The following CLCN3 variants were observed in gnomAD, a reference collection of about 807,000 sequenced individuals.
CLCN3 encodes the protein H(+)/Cl(-) exchange transporter 3.
A neutral mutation model predicts 83.4 loss-of-function variants in CLCN3; 16 were observed. The ratio of observed to expected loss-of-function variants is 0.19; its 90% CI spans 0.13 to 0.29. The LOEUF is 0.29. Ranked by LOEUF, CLCN3 falls within the 10% of genes least tolerant of loss-of-function variation. CLCN3 has a pLI of 1.00. For missense variants in CLCN3, 544 were observed against 1,006.0 expected (o/e 0.54, Z 6.21); for synonymous variants, 322 against 346.2 (o/e 0.93, Z 0.78).
At chr4:169,708,453 G>A (rs1733074395) in intron 11 of CLCN3, among the ~76,000 whole-genome samples, 1 of 152,142 alleles carries the variant, frequency 6.6e-6, no homozygotes, top group Non-Finnish European at 1.5e-5. Context: ...AGTTGCCAGA[G>A]CTGATGACAT....
chr4:169,698,765 C>A (rs72696633), intron 9 of CLCN3, among the ~76,000 whole-genome samples: 1 of 152,182 alleles, frequency 6.6e-6, no homozygotes, highest in Admixed American at 6.5e-5. Flanking sequence ...AAGTCTGAAA[C>A]GGATCTCACT....
intron 1 of CLCN3, among the ~76,000 whole-genome samples, chr4:169,623,853 T>G (rs189527255): frequency 4.7e-4 from 71 of 152,346 alleles, no homozygotes; most frequent in African/African-American, 1.7e-3. Context: ...ATTTTCTTCC[T>G]TTTAAAGGCT....
chr4:169,649,293 A>G (rs1395166972), intron 2 of CLCN3, among the ~76,000 whole-genome samples: 1 of 152,228 alleles, frequency 6.6e-6, no homozygotes, highest in South Asian at 2.1e-4. Context: ...AGCAAGGTCT[A>G]AATAATACAT....
chr4:169,715,313 A>C (rs1229593160), intron 12 of CLCN3, among the ~76,000 whole-genome samples: 2 of 152,160 alleles, frequency 1.3e-5, no homozygotes, highest in Non-Finnish European at 2.9e-5. Context: ...CTGCCTGTTC[A>C]TATGAAAAAA....
At chr4:169,711,683 A>G (rs1486289078) in intron 11 of CLCN3, among the ~76,000 whole-genome samples, 1 of 152,034 alleles carries the variant, frequency 6.6e-6, no homozygotes, top group African/African-American at 2.4e-5. Flanking sequence ...AGTAAGTACT[A>G]GTTGCTGGGG....
chr4:169,621,744 A>G lies in CLCN3; in HGVS notation c.-17+681A>G, dbSNP rs556564545. 4.6e-5 allele frequency among the ~76,000 whole-genome samples: 7 copies of G among 152,344 alleles called. No homozygotes were observed. In the South Asian group the frequency reaches 1.4e-3, roughly 32 times the overall value. ...ACTGCAGCATCATTGTGGCTTGTATAATTGTTGAATCTTTCCAGAAATGCT... is the reference window on the plus strand; with the variant it reads ...ACTGCAGCATCATTGTGGCTTGTATGATTGTTGAATCTTTCCAGAAATGCT... On this transcript the variant is annotated intron_variant, in intron 1 of 12. Coordinates refer to ENST00000513761, the MANE Select transcript of CLCN3 (RefSeq NM_001829.4).
chr4:169,696,566 C>T (rs1286431578), intron 8 of CLCN3, among the ~76,000 whole-genome samples: 1 of 151,980 alleles, frequency 6.6e-6, no homozygotes, highest in East Asian at 1.9e-4. Context: ...ATTTAAAATC[C>T]TCTTTTAGCT....
intron 2 of CLCN3, among the ~76,000 whole-genome samples, chr4:169,676,206 C>A (rs1383415259): frequency 6.6e-6 from 1 of 152,042 alleles, no homozygotes. Flanking sequence ...TTTTTTATAC[C>A]AGTATATATT....
chr4:169,705,693 G>A (rs1368762385), intron 10 of CLCN3, among the ~76,000 whole-genome samples: 2 of 151,942 alleles, frequency 1.3e-5, no homozygotes, highest in Non-Finnish European at 2.9e-5. Flanking sequence ...GCTATTTTTA[G>A]GTAAAAAAAC....
Position 169,707,012 on chromosome 4 carries a change from C to A in CLCN3, c.1895C>A (p.Ala632Glu). Residue 632 changes from alanine (A) to glutamate (E), a missense_variant, in exon 11 of 13, where the codon GCA becomes GAA. Physicochemically the swap from Ala to Glu is moderately radical, Grantham distance 107. Coordinates refer to ENST00000513761, the MANE Select transcript of CLCN3 (RefSeq NM_001829.4). Reference protein sequence around the residue: ...DAFGREGIYEAHIRLNGYPFL... With the variant: ...DAFGREGIYEEHIRLNGYPFL... ...TTTGGCAGGGAAGGCATTTATGAAG[C>A]ACACATCCGATTAAATGGATACCCT... is the stretch of plus-strand genomic sequence containing the variant. 6.2e-7 allele frequency: 1 copy of A among 1,614,150 alleles called. No individual in the cohort carries two copies. Among genetic ancestry groups the A allele is most frequent in the Non-Finnish European group, 8.5e-7 (1 of 1,180,024 alleles).
In CLCN3 at chr4:169,636,071, A is replaced by G; in HGVS notation, c.143A>G (p.Asp48Gly). The G allele has an allele frequency of 6.2e-7, 1 of 1,612,468 alleles. No individual in the cohort carries two copies. Among genetic ancestry groups the G allele is most frequent in the South Asian group, 1.1e-5 (1 of 90,870 alleles). ...FQTSEDDNLL[D>G]GDTAVGTHYT... ...ACATCTGAAGATGACAATTTATTAG[A>G]TGGTGACACTGCAGTTGGTAAGTTC... Residue 48 changes from aspartate (D) to glycine (G), a missense_variant, in exon 2 of 13, where the codon GAT becomes GGT. Around this residue, in one of 6 missense-constraint regions of CLCN3, gnomAD observed 77 missense variants for 92.8 expected, o/e 0.83. Coordinates refer to ENST00000513761, the MANE Select transcript of CLCN3 (RefSeq NM_001829.4).
At chr4:169,622,598 C>T (rs189239241) in intron 1 of CLCN3, among the ~76,000 whole-genome samples, 77 of 152,278 alleles carry the variant, frequency 5.1e-4, no homozygotes, top group African/African-American at 1.8e-3. Context: ...TGTTTTCAGG[C>T]TCTTTTCCAA....
intron 1 of CLCN3, among the ~76,000 whole-genome samples, chr4:169,621,493 A>G (rs1429420540): frequency 2.6e-5 from 4 of 152,206 alleles, no homozygotes; most frequent in Non-Finnish European, 5.9e-5. Flanking sequence ...TCAGAAATTG[A>G]CTTTGCATGT....
In CLCN3 at chr4:169,638,681, G is replaced by A. The variant is rs896641759; in HGVS notation, c.160+2593G>A. Among the ~76,000 whole-genome samples the A allele has an allele frequency of 5.9e-5, 9 of 152,074 alleles. 1 individual carries two copies. The highest frequency in any genetic ancestry group is 4.1e-4 in the South Asian group (2 of 4,820). The stretch of plus-strand genomic sequence containing the variant: ...GAGCTGACTCCTTCCACCTTCCCAC[G>A]TTGCCGTCAAGTGCTGGTGATGTCT... On this transcript the variant is annotated intron_variant, in intron 2 of 12. Coordinates refer to ENST00000513761, the MANE Select transcript of CLCN3 (RefSeq NM_001829.4).
At chr4:169,668,214 C>T (rs536720044) in intron 2 of CLCN3, among the ~76,000 whole-genome samples, 2 of 151,968 alleles carry the variant, frequency 1.3e-5, no homozygotes, top group African/African-American at 4.8e-5. Flanking sequence ...TGAGATCTCA[C>T]TGTGTTTCCC....
intron 2 of CLCN3, among the ~76,000 whole-genome samples, chr4:169,650,564 C>G (rs1208395999): frequency 6.6e-6 from 1 of 152,150 alleles, no homozygotes; most frequent in African/African-American, 2.4e-5. Flanking sequence ...CATTGTAAAT[C>G]TTTGGCAGAG....
chr4:169,644,159 T>C (rs1730504225), intron 2 of CLCN3, among the ~76,000 whole-genome samples: 1 of 152,234 alleles, frequency 6.6e-6, no homozygotes, highest in South Asian at 2.1e-4. Context: ...AGAGTTGTGA[T>C]TTAATAAAAT....
Position 169,690,406 on chromosome 4 carries a change from C to T in CLCN3, c.607-124C>T, listed in dbSNP as rs1167098874. 10 of 948,898 alleles carry T rather than the reference C, an allele frequency of 1.1e-5. No individual in the cohort carries two copies. The East Asian group carries it at 2.7e-4, about 25-fold the overall frequency. The allele number at this position is 948,898 out of a possible 1,614,324, so 58.8% of individuals were successfully genotyped here. The stretch of plus-strand genomic sequence containing the variant: ...GGTGATCCACCCGCCTCAACCTCCC[C>T]AGTGCTGGGATTACAGGCGTGAGCC... On this transcript the variant is annotated intron_variant, in intron 5 of 12. Coordinates refer to ENST00000513761, the MANE Select transcript of CLCN3 (RefSeq NM_001829.4).
chr4:169,634,373 T>C (rs1453449036), intron 1 of CLCN3, among the ~76,000 whole-genome samples: 2 of 152,238 alleles, frequency 1.3e-5, no homozygotes, highest in African/African-American at 4.8e-5. Context: ...ATACATGCTT[T>C]GATACATCAA....
Sources: allele counts gnomAD v4.1 joint callset (sites outside exome capture counted in the v4.1 genomes callset), GRCh38; gene constraint gnomAD v4.1.1; regional missense constraint gnomAD v4.1.1; transcripts MANE v1.5; gene names NCBI Gene and HGNC (gene_info 2026-07-23, HGNC 2026-07-21).